Variants in KATNA1 observed in about 807,000 individuals in gnomAD.
KATNA1 encodes katanin catalytic subunit A1, also known as katanin p60 ATPase-containing subunit A1.
A neutral mutation model predicts 62.6 loss-of-function variants in KATNA1; 42 were observed. The ratio of observed to expected loss-of-function variants is 0.67; its 90% CI spans 0.52 to 0.87. KATNA1 has a LOEUF of 0.87. KATNA1 is among the 40% of genes least tolerant of loss of function. The pLI is 0.00. For synonymous variants in KATNA1, 186 were observed against 201.9 expected (o/e 0.92, Z 0.67); for missense variants, 498 against 612.5 (o/e 0.81, Z 1.97).
chr6:149,632,164 C>T (rs1393900851), intron 3 of KATNA1, among the ~76,000 whole-genome samples: 1 of 151,922 alleles, frequency 6.6e-6, no homozygotes, highest in African/African-American at 2.4e-5. Context: ...GAGGCTGAGG[C>T]AGGTGGATCA....
intron 4 of KATNA1, among the ~76,000 whole-genome samples, chr6:149,607,279 T>G (rs1778775840): frequency 6.6e-6 from 1 of 152,202 alleles, no homozygotes; most frequent in Admixed American, 6.5e-5. Context: ...TTTACTTAAT[T>G]AGTTGAAGTA....
chr6:149,612,151 G>A (rs1778986739), intron 4 of KATNA1, among the ~76,000 whole-genome samples: 1 of 152,100 alleles, frequency 6.6e-6, no homozygotes, highest in Admixed American at 6.6e-5. Flanking sequence ...AACTATTAAT[G>A]AAGGTGATTC....
chr6:149,604,618 T>C, intron 5 of KATNA1, 43 bp downstream of exon 5: 1 of 1,607,440 alleles, frequency 6.2e-7, no homozygotes, highest in Non-Finnish European at 8.5e-7. Context: ...CCATTCCGAA[T>C]AGCATCACCA....
Position 149,617,963 on chromosome 6 carries a change from TAAATAATA to T in KATNA1, c.501+5132_501+5139del, listed in dbSNP as rs1462177905. Among the ~76,000 whole-genome samples, 847 of 140,970 alleles carry T rather than the reference TAAATAATA, an allele frequency of 6.0e-3. 6 individuals carry two copies. Among genetic ancestry groups the T allele is most frequent in the African/African-American group, 0.021 (803 of 38,112 alleles). The allele number at this position is 140,970 out of a possible 152,430, so 92.5% of individuals were successfully genotyped here. The stretch of plus-strand genomic sequence containing the variant: ...AAAAATAAATAAATAAATAAATAAA[TAAATAATA>T]AAATAAATAAATAAATAAATATATA... On this transcript the variant is annotated intron_variant, in intron 4 of 10. Transcript: ENST00000367411.
At chr6:149,647,792 T>C (rs1414806336) in intron 1 of KATNA1, among the ~76,000 whole-genome samples, 1 of 152,184 alleles carries the variant, frequency 6.6e-6, no homozygotes, top group African/African-American at 2.4e-5. Flanking sequence ...ACTGTGCTGT[T>C]GGAAGTTAGT....
At chr6:149,633,100 A>ATTTTTT (rs368739065) in intron 2 of KATNA1, among the ~76,000 whole-genome samples, 184 bp from the exon 3 acceptor site, 3 of 120,744 alleles carry the variant, frequency 2.5e-5, no homozygotes, top group Non-Finnish European at 5.0e-5. Context: ...TTCAATTGCA[A>ATTTTTT]TTTTTTTTTT....
chr6:149,646,479 C>T (rs540627387), intron 1 of KATNA1, among the ~76,000 whole-genome samples: 69 of 152,136 alleles, frequency 4.5e-4, no homozygotes, highest in Non-Finnish European at 7.4e-4. Context: ...TCAGAATGTT[C>T]ATCTCTGGGA....
intron 2 of KATNA1, among the ~76,000 whole-genome samples, chr6:149,636,117 TTGAAA>T (rs753265593): frequency 2.6e-5 from 4 of 151,892 alleles, no homozygotes; most frequent in Non-Finnish European, 4.4e-5. Context: ...ATATATAATA[TTGAAA>T]TGAAATTTAA....
chr6:149,619,223 G>GA lies in KATNA1; in HGVS notation c.501+3879dup, dbSNP rs201158894. Among the ~76,000 whole-genome samples the GA allele has an allele frequency of 5.9e-3, 895 of 151,284 alleles. 9 individuals are homozygous for GA. The highest frequency in any genetic ancestry group is 0.021 in the African/African-American group (855 of 41,274). On this transcript the variant is annotated intron_variant, in intron 4 of 10. Transcript: ENST00000367411. ...ACATATAAATGGTCAAGAGGCATAT[G>GA]AAAAAAAAATCCTCAATGTCACTAA...
At chr6:149,630,559 C>T (rs1191792544) in intron 3 of KATNA1, among the ~76,000 whole-genome samples, 3 of 152,010 alleles carry the variant, frequency 2.0e-5, no homozygotes, top group East Asian at 1.9e-4. Flanking sequence ...AACCGGGAGG[C>T]GGAGGTTGCA....
intron 3 of KATNA1, among the ~76,000 whole-genome samples, chr6:149,624,603 C>A (rs1239677592): frequency 3.9e-5 from 6 of 151,964 alleles, no homozygotes; most frequent in Non-Finnish European, 8.8e-5. Flanking sequence ...TAGTATCAAA[C>A]CCCTGGGCTC....
chr6:149,601,022 A>G (rs532550286), intron 7 of KATNA1, among the ~76,000 whole-genome samples: 2 of 152,228 alleles, frequency 1.3e-5, no homozygotes, highest in Non-Finnish European at 2.9e-5. Flanking sequence ...CTTAGAGGCA[A>G]GAGTGACGTA....
rs1202145200 is a variant in KATNA1 at position 149,617,955 on chromosome 6, TAAATAAATAAATAATA to T, written c.501+5132_501+5147del. 5.1e-5 allele frequency among the ~76,000 whole-genome samples: 7 copies of T among 138,038 alleles called. No homozygotes were observed. The South Asian group carries it at 1.3e-3, about 26-fold the overall frequency. The allele number at this position is 138,038 out of a possible 152,430, so 90.6% of individuals were successfully genotyped here. ...TTGTCTCCAAAAATAAATAAATAAA[TAAATAAATAAATAATA>T]AAATAAATAAATAAATAAATATATA... On this transcript the variant is annotated intron_variant, in intron 4 of 10. Transcript: ENST00000367411.
At position 149,594,967 on chromosome 6, in the gene KATNA1, G is replaced by A; in HGVS notation, c.*69C>T. 8.1e-7 allele frequency: 1 copy of A among 1,237,090 alleles called. No individual in the cohort carries two copies. The highest frequency in any genetic ancestry group is 1.2e-6 in the Non-Finnish European group (1 of 853,696). 76.6% of individuals were successfully genotyped at this position (1,237,090 alleles called of 1,614,324 possible). A position where few individuals can be genotyped will look rare whatever the true frequency, so the allele number is the denominator to read the frequency against. ...AAAGTTAAAAAAAATATAGCACTCA[G>A]TACAATGAATTACTGCATTTAATAT... is the stretch of plus-strand genomic sequence containing the variant. On this transcript the variant is annotated 3_prime_UTR_variant, in exon 11 of 11. Coordinates refer to ENST00000367411, the MANE Select transcript of KATNA1 (RefSeq NM_007044.4).
chr6:149,597,314 T>A, intron 9 of KATNA1, 125 bp from the exon 10 acceptor site: 1 of 1,238,336 alleles, frequency 8.1e-7, no homozygotes, highest in Non-Finnish European at 1.1e-6. Flanking sequence ...AAGAGATAAT[T>A]AAGTAAAGAG....
Position 149,598,227 on chromosome 6 carries a change from C to A in KATNA1, c.1012G>T (p.Asp338Tyr). 6.2e-7 allele frequency: 1 copy of A among 1,613,902 alleles called. No individual in the cohort carries two copies. The highest frequency in any genetic ancestry group is 8.5e-7 in the Non-Finnish European group (1 of 1,179,958). Residue 338 changes from aspartate (D) to tyrosine (Y), a missense_variant, in exon 8 of 11, where the codon GAT (aspartate) becomes TAT (tyrosine). Physicochemically the swap from Asp to Tyr is radical, Grantham distance 160 (BLOSUM62 -3). Coordinates refer to ENST00000367411, the MANE Select transcript of KATNA1 (RefSeq NM_007044.4). ...RVKAELLVQM[D>Y]GVGGTSENDD... Reference sequence around the variant, plus strand: ...AACTCAAGCTAAACACAGATACCATCCATCTGAACCAGCAGCTCCGCTTTC... The same window carrying A: ...AACTCAAGCTAAACACAGATACCATACATCTGAACCAGCAGCTCCGCTTTC...
In KATNA1 at chr6:149,599,116, C is replaced by T. The variant is rs184540753; in HGVS notation, c.889-766G>A. Among the ~76,000 whole-genome samples, 13 of 152,166 alleles carry T rather than the reference C, an allele frequency of 8.5e-5. No individual in the cohort carries two copies. In the East Asian group the frequency reaches 2.1e-3, roughly 25 times the overall value. On this transcript the variant is annotated intron_variant, in intron 7 of 10. Coordinates refer to ENST00000367411, the MANE Select transcript of KATNA1 (RefSeq NM_007044.4). Reference sequence around the variant, plus strand: ...CTAGACTCAAGCAATCTTCCTGCCTCGGCCTCCCAAAATGCTAGGATTACA... The same window carrying T: ...CTAGACTCAAGCAATCTTCCTGCCTTGGCCTCCCAAAATGCTAGGATTACA...
At chr6:149,614,277 A>G (rs1223810097) in intron 4 of KATNA1, among the ~76,000 whole-genome samples, 1 of 152,178 alleles carries the variant, frequency 6.6e-6, no homozygotes, top group Middle Eastern at 3.2e-3. Flanking sequence ...CTGACCTTGC[A>G]GTCACAGGGG....
intron 4 of KATNA1, among the ~76,000 whole-genome samples, chr6:149,612,746 G>T (rs549323440): frequency 7.0e-4 from 107 of 152,054 alleles, no homozygotes; most frequent in African/African-American, 2.0e-3. Flanking sequence ...GATATAAAAA[G>T]AATTACATAC....
Sources: allele counts gnomAD v4.1 joint callset (sites outside exome capture counted in the v4.1 genomes callset), GRCh38; gene constraint gnomAD v4.1.1; transcripts MANE v1.5; gene names NCBI Gene and HGNC (gene_info 2026-07-23, HGNC 2026-07-21).